COL4A1: variants seen among roughly 807,000 people sequenced by gnomAD.
COL4A1 encodes collagen type IV alpha 1 chain, also known as collagen alpha-1(IV) chain.
In COL4A1, 40 loss-of-function variants were observed where a neutral mutation model predicts 216.6. That is an observed-to-expected ratio of 0.18 (90% CI 0.14 to 0.24). COL4A1 has a LOEUF of 0.24. Ranked by LOEUF, COL4A1 falls within the 10% of genes least tolerant of loss-of-function variation. The pLI is 1.00. For missense variants in COL4A1, 1,628 were observed against 2,196.8 expected, an observed-to-expected ratio of 0.74 and a Z score of 5.18; for synonymous variants, 839 against 810.7, an observed-to-expected ratio of 1.03 and a Z score of -0.59.
chr13:110,171,874 G>C (rs1449789583), intron 41 of COL4A1, among the ~76,000 whole-genome samples: 1 of 152,230 alleles, frequency 6.6e-6, no homozygotes, highest in South Asian at 2.1e-4. Context: ...TGAGTTAAGG[G>C]AGAGGGAAGT....
intron 47 of COL4A1, among the ~76,000 whole-genome samples, chr13:110,162,906 A>C (rs920500472): frequency 2.0e-5 from 3 of 152,256 alleles, no homozygotes; most frequent in African/African-American, 7.2e-5. Context: ...CTGCGTATGG[A>C]AATGGAGCAG....
chr13:110,305,027 A>C (rs1884629122), intron 1 of COL4A1, among the ~76,000 whole-genome samples: 1 of 152,252 alleles, frequency 6.6e-6, no homozygotes, highest in Non-Finnish European at 1.5e-5. Context: ...CCAAAATGTT[A>C]TTGATGGCAT....
At chr13:110,155,147 G>A (rs750868678) in intron 50 of COL4A1, 136 bp downstream of exon 50, 181 of 741,752 alleles carry the variant, frequency 2.4e-4, no homozygotes, top group Non-Finnish European at 3.9e-4. Flanking sequence ...TTTGGAAGGG[G>A]ATGGTTGGAG....
At chr13:110,197,653 T>C (rs1254240777) in intron 21 of COL4A1, among the ~76,000 whole-genome samples, 1 of 152,244 alleles carries the variant, frequency 6.6e-6, no homozygotes, top group Non-Finnish European at 1.5e-5. Context: ...CTGGAATCCA[T>C]GGCTCCATCT....
chr13:110,259,157 A>G (rs1450219961), intron 1 of COL4A1, among the ~76,000 whole-genome samples: 1 of 152,146 alleles, frequency 6.6e-6, no homozygotes, highest in Non-Finnish European at 1.5e-5. Flanking sequence ...TAATTTGCAC[A>G]TTTTACCTTT....
rs749341400 is a variant in COL4A1, at chr13:110,190,692, G to A, written c.1536+1522C>T. On this transcript the variant is annotated intron_variant, in intron 24 of 51. Transcript: ENST00000375820. ...CACATTTCTGAGCGAGTTAAATCAC[G>A]GAGCTTCAAATACAGCTTCCAATAA... The A allele has an allele frequency of 7.2e-5, 11 of 152,056 alleles. 1 individual carries two copies. Among genetic ancestry groups the A allele is most frequent in the Non-Finnish European group, 1.2e-4 (8 of 68,016 alleles). 9.4% of individuals were successfully genotyped at this position (152,056 alleles called of 1,614,324 possible). A position where few individuals can be genotyped will look rare whatever the true frequency, so the allele number is the denominator to read the frequency against.
intron 44 of COL4A1, among the ~76,000 whole-genome samples, chr13:110,166,569 A>G (rs888315423): frequency 2.0e-5 from 3 of 152,208 alleles, no homozygotes; most frequent in African/African-American, 7.2e-5. Flanking sequence ...CAAATTTCCA[A>G]TTTATCTTCA....
intron 1 of COL4A1, among the ~76,000 whole-genome samples, chr13:110,258,184 C>G (rs1362151637): frequency 6.6e-6 from 1 of 152,206 alleles, no homozygotes; most frequent in African/African-American, 2.4e-5. Context: ...CTACCACATA[C>G]TGTGAAGCTT....
At chr13:110,152,299 C>T (rs1390153902) in intron 51 of COL4A1, 35 bp downstream of exon 51, 2 of 1,613,096 alleles carry the variant, frequency 1.2e-6, no homozygotes, top group Admixed American at 1.7e-5. Context: ...CACAAAGGGG[C>T]CAGCAGCCTG....
intron 42 of COL4A1, among the ~76,000 whole-genome samples, 164 bp from the exon 43 acceptor site, chr13:110,169,926 A>G (rs138590569): frequency 7.9e-5 from 11 of 138,894 alleles, no homozygotes; most frequent in East Asian, 4.9e-4. Flanking sequence ...GGAAGGAAGG[A>G]AGGAGGGAGG....
At chr13:110,227,963 C>T (rs1691289374) in intron 2 of COL4A1, among the ~76,000 whole-genome samples, 1 of 152,156 alleles carries the variant, frequency 6.6e-6, no homozygotes, top group African/African-American at 2.4e-5. Flanking sequence ...CTAAATACAC[C>T]CTCCTGGGTG....
At chr13:110,248,308 C>T (rs988086804) in intron 1 of COL4A1, among the ~76,000 whole-genome samples, 1 of 152,210 alleles carries the variant, frequency 6.6e-6, no homozygotes, top group African/African-American at 2.4e-5. Flanking sequence ...ACGCTCCCGG[C>T]GGGATTGCGA....
At chr13:110,203,414 G>A (rs1046872510) in intron 18 of COL4A1, 152 bp downstream of exon 18, 18 of 776,800 alleles carry the variant, frequency 2.3e-5, no homozygotes, top group Non-Finnish European at 3.1e-5. Context: ...GACAGCTGTG[G>A]GTGTGTGCCC....
rs1210457634 is a variant in COL4A1 at position 110,200,907 on chromosome 13, G to A, written c.1085-18C>T. The stretch of plus-strand genomic sequence containing the variant: ...TGGGAAACCTGAAAAGAGAAAGAGA[G>A]TGTTGGATCAAACAGAACAGTTCAC... On this transcript the variant is annotated intron_variant, in intron 19 of 51. Coordinates refer to ENST00000375820, the MANE Select transcript of COL4A1 (RefSeq NM_001845.6). The A allele has an allele frequency of 8.7e-6, 14 of 1,613,864 alleles. No individual in the cohort carries two copies. Among genetic ancestry groups the A allele is most frequent in the East Asian group, 2.2e-5 (1 of 44,858 alleles).
At chr13:110,261,672 C>T (rs921613994) in intron 1 of COL4A1, among the ~76,000 whole-genome samples, 3 of 152,234 alleles carry the variant, frequency 2.0e-5, no homozygotes, top group African/African-American at 4.8e-5. Context: ...TTCCTCAAGC[C>T]ATCTGGGGAT....
chr13:110,288,274 A>AATAAT (rs1555316111), intron 1 of COL4A1, among the ~76,000 whole-genome samples: 59 of 139,460 alleles, frequency 4.2e-4, no homozygotes, highest in Middle Eastern at 3.6e-3. Context: ...AAAAAAAAAA[A>AATAAT]AATAATAATA....
chr13:110,183,195 G>C lies in COL4A1; in HGVS notation c.1979C>G (p.Pro660Arg). 6.2e-7 allele frequency: 1 copy of C among 1,613,846 alleles called. No individual in the cohort carries two copies. Among genetic ancestry groups the C allele is most frequent in the Non-Finnish European group, 8.5e-7 (1 of 1,179,984 alleles). ...AATTCCAATCGTACCTTGGGGACCT[G>C]GGAAGCCTGGGGACCCCGGCAGTCC... is the stretch of plus-strand genomic sequence containing the variant. ...AEGLPGSPGFPGPQGDRGFPG... is the reference protein window; with the variant it reads ...AEGLPGSPGFRGPQGDRGFPG... Residue 660 changes from proline (P) to arginine (R), a missense_variant, in exon 27 of 52, where the codon CCA becomes CGA. By Grantham distance (103) the Pro-to-Arg change is moderately radical (BLOSUM62 -2). This residue lies in a region of COL4A1 where 701 missense variants were observed against 892.5 expected (regional missense o/e 0.79). Coordinates refer to ENST00000375820, the MANE Select transcript of COL4A1 (RefSeq NM_001845.6).
chr13:110,260,934 G>A (rs925485614), intron 1 of COL4A1, among the ~76,000 whole-genome samples: 5 of 149,900 alleles, frequency 3.3e-5, no homozygotes, highest in Non-Finnish European at 5.9e-5. Context: ...CTACTCGGGA[G>A]GCTGAGGCAG....
chr13:110,291,475 C>G (rs1407125017), intron 1 of COL4A1, among the ~76,000 whole-genome samples: 1 of 152,172 alleles, frequency 6.6e-6, no homozygotes, highest in Non-Finnish European at 1.5e-5. Flanking sequence ...GCATGGACCT[C>G]GCTGGCCTGG....
Sources: gnomAD v4.1 joint callset for allele counts (sites outside exome capture counted in the v4.1 genomes callset) on GRCh38, gnomAD v4.1.1 for gene constraint, gnomAD v4.1.1 regional missense constraint, MANE v1.5 for transcripts, NCBI Gene and HGNC (gene_info 2026-07-23, HGNC 2026-07-21) for gene names.